The following TMEM181 variants were observed in gnomAD, a reference collection of about 807,000 sequenced individuals.
TMEM181 encodes G protein-coupled receptor 178.
Under a neutral mutation model 71.9 loss-of-function variants are expected in TMEM181, and 39 were observed. That is an observed-to-expected ratio of 0.54 (90% CI 0.42 to 0.71). The LOEUF (loss-of-function observed/expected upper bound fraction) is 0.71. TMEM181 is among the 30% of genes least tolerant of loss of function. The pLI is 0.00. For missense variants in TMEM181, 595 were observed against 583.0 expected, an observed-to-expected ratio of 1.02 and a Z score of -0.21; for synonymous variants, 245 against 228.8, an observed-to-expected ratio of 1.07 and a Z score of -0.64.
At chr6:158,586,215 A>G (rs780022705) in intron 5 of TMEM181, among the ~76,000 whole-genome samples, 2 of 152,226 alleles carry the variant, frequency 1.3e-5, no homozygotes, top group Non-Finnish European at 1.5e-5. Flanking sequence ...TATTCTGTTC[A>G]GAGTCCAAAG....
intron 15 of TMEM181, 62 bp from the exon 16 acceptor site, chr6:158,631,261 C>T (rs1786649062): frequency 6.5e-7 from 1 of 1,548,442 alleles, no homozygotes; most frequent in Non-Finnish European, 8.9e-7. Context: ...GGGACAGCAT[C>T]CTGCCTGTCC....
intron 4 of TMEM181, 148 bp from the exon 5 acceptor site, chr6:158,585,156 A>G: frequency 2.6e-6 from 2 of 759,320 alleles, no homozygotes; most frequent in Non-Finnish European, 3.9e-6. Context: ...CTGGGCAATT[A>G]AGAGATTTTC....
chr6:158,626,921 T>C (rs1354754257), intron 13 of TMEM181, among the ~76,000 whole-genome samples: 9 of 82,194 alleles, frequency 1.1e-4, no homozygotes, highest in African/African-American at 1.9e-4. Context: ...CTCACCCTCA[T>C]TCTCACCCTC....
intron 6 of TMEM181, among the ~76,000 whole-genome samples, chr6:158,604,317 C>T (rs974180874): frequency 7.0e-6 from 1 of 142,902 alleles, no homozygotes; most frequent in Admixed American, 7.3e-5. Flanking sequence ...TTAAATCATC[C>T]TTGTGCATGC....
At chr6:158,563,762 AT>A (rs771130435) in intron 1 of TMEM181, among the ~76,000 whole-genome samples, 3 of 152,174 alleles carry the variant, frequency 2.0e-5, no homozygotes, top group Non-Finnish European at 4.4e-5. Context: ...TGTTTATTAA[AT>A]TGTGTTTTGA....
intron 1 of TMEM181, among the ~76,000 whole-genome samples, chr6:158,548,341 G>T (rs1416917008): frequency 6.6e-6 from 1 of 152,180 alleles, no homozygotes. Context: ...TAGGTTCTGT[G>T]TTTGAGGGAA....
intron 6 of TMEM181, among the ~76,000 whole-genome samples, chr6:158,604,920 T>C (rs757130296): frequency 2.0e-5 from 3 of 152,096 alleles, no homozygotes; most frequent in Non-Finnish European, 2.9e-5. Flanking sequence ...AAAAGTAAAC[T>C]GTACTAAATG....
chr6:158,570,228 G>A (rs1216934308), intron 1 of TMEM181, among the ~76,000 whole-genome samples: 1 of 150,126 alleles, frequency 6.7e-6, no homozygotes, highest in Non-Finnish European at 1.5e-5. Context: ...GAGTGTTTCC[G>A]TACACTTTTT....
chr6:158,590,662 C>G (rs2128305746), intron 6 of TMEM181, among the ~76,000 whole-genome samples: 1 of 152,324 alleles, frequency 6.6e-6, no homozygotes, highest in African/African-American at 2.4e-5. Context: ...CAGAGTTTCA[C>G]CATGTTGGCC....
intron 13 of TMEM181, among the ~76,000 whole-genome samples, chr6:158,625,970 T>A (rs1786252855): frequency 6.6e-6 from 1 of 152,196 alleles, no homozygotes; most frequent in African/African-American, 2.4e-5. Context: ...TGGAGCACGT[T>A]CACTTGCACA....
At chr6:158,576,104 T>C (rs1783138665) in intron 2 of TMEM181, among the ~76,000 whole-genome samples, 2 of 152,208 alleles carry the variant, frequency 1.3e-5, no homozygotes, top group South Asian at 4.1e-4. Context: ...TGGCAGAATC[T>C]GTATGGTGTA....
At chr6:158,580,120 C>T (rs190842075) in intron 2 of TMEM181, among the ~76,000 whole-genome samples, 497 of 152,200 alleles carry the variant, frequency 3.3e-3, no homozygotes, top group African/African-American at 0.011. Flanking sequence ...CTCCTGAGGT[C>T]AGGAGTTCGA....
At chr6:158,602,852 G>A (rs1475616890) in intron 6 of TMEM181, among the ~76,000 whole-genome samples, 1 of 152,142 alleles carries the variant, frequency 6.6e-6, no homozygotes, top group African/African-American at 2.4e-5. Context: ...AAAGTGTTGG[G>A]ATTACAGGTG....
At chr6:158,564,439 T>C (rs1782368948) in intron 1 of TMEM181, among the ~76,000 whole-genome samples, 1 of 152,102 alleles carries the variant, frequency 6.6e-6, no homozygotes, top group African/African-American at 2.4e-5. Context: ...TGGTACCAAA[T>C]AGGTGCTCAG....
chr6:158,607,737 G>A (rs1017723591), intron 8 of TMEM181, among the ~76,000 whole-genome samples: 5 of 152,210 alleles, frequency 3.3e-5, no homozygotes, highest in African/African-American at 1.2e-4. Context: ...GAGCCCGTAG[G>A]GAGCCCCAGA....
At chr6:158,617,043 G>C (rs933277027) in intron 10 of TMEM181, among the ~76,000 whole-genome samples, 1 of 152,226 alleles carries the variant, frequency 6.6e-6, no homozygotes, top group Non-Finnish European at 1.5e-5. Context: ...GATTGGAATA[G>C]TTTCAGAAAG....
At chr6:158,584,532 A>AAT (rs1326887150) in intron 4 of TMEM181, among the ~76,000 whole-genome samples, 1 of 152,210 alleles carries the variant, frequency 6.6e-6, no homozygotes, top group Admixed American at 6.5e-5. Flanking sequence ...AGAGGCTGAG[A>AAT]AACCCTCCCC....
At chr6:158,623,086 G>A (rs1458418114) in intron 10 of TMEM181, among the ~76,000 whole-genome samples, 2 of 152,148 alleles carry the variant, frequency 1.3e-5, no homozygotes, top group Non-Finnish European at 2.9e-5. Context: ...ACCCAAGTGA[G>A]TCACCCCGTC....
At chr6:158,595,181 A>T (rs1294746359) in intron 6 of TMEM181, among the ~76,000 whole-genome samples, 1 of 152,232 alleles carries the variant, frequency 6.6e-6, no homozygotes, top group African/African-American at 2.4e-5. Context: ...TTTCTGGTAT[A>T]ATTATCTGCA....
Sources: gnomAD v4.1 joint callset for allele counts (sites outside exome capture counted in the v4.1 genomes callset) on GRCh38, gnomAD v4.1.1 for gene constraint, MANE v1.5 for transcripts, NCBI Gene and HGNC (gene_info 2026-07-23, HGNC 2026-07-21) for gene names.